The following SGCD variants were observed in gnomAD, a reference collection of about 807,000 sequenced individuals.
SGCD encodes the protein delta-sarcoglycan.
In SGCD, 18 loss-of-function variants were observed where a neutral mutation model predicts 36.6. The observed-to-expected ratio is 0.49, with a 90% CI of 0.34 to 0.73. SGCD has a LOEUF of 0.73. Ranked by LOEUF, SGCD falls within the 30% of genes least tolerant of loss-of-function variation. SGCD has a pLI of 0.01. For missense variants in SGCD, 387 were observed against 346.7 expected, an observed-to-expected ratio of 1.12 and a Z score of -0.92; for synonymous variants, 133 against 130.6, an observed-to-expected ratio of 1.02 and a Z score of -0.12.
At chr5:156,444,062 CCTTCTCTCTCT>C (rs1454272979) in intron 3 of SGCD, among the ~76,000 whole-genome samples, 1 of 124,696 alleles carries the variant, frequency 8.0e-6, no homozygotes. Context: ...CTCTTTCTCT[CCTTCTCTCTCT>C]CTCTCTCTCT....
chr5:155,960,392 G>A (rs753463545), intron 1 of SGCD, among the ~76,000 whole-genome samples: 26 of 152,106 alleles, frequency 1.7e-4, no homozygotes, highest in Non-Finnish European at 3.4e-4. Context: ...CCTTTCCCTA[G>A]CCCAGCGCCA....
At chr5:156,084,045 A>AG (rs2127592313) in intron 1 of SGCD, among the ~76,000 whole-genome samples, 1 of 151,908 alleles carries the variant, frequency 6.6e-6, no homozygotes, top group South Asian at 2.1e-4. Flanking sequence ...TTCCTCCTCC[A>AG]TTTTTCTTTG....
At chr5:156,529,423 CAA>C (rs397884521) in intron 4 of SGCD, among the ~76,000 whole-genome samples, 12 of 59,134 alleles carry the variant, frequency 2.0e-4, no homozygotes, top group African/African-American at 4.4e-4. Flanking sequence ...GACTCTGTCT[CAA>C]AAAAAAAAAA....
Position 156,565,653 on chromosome 5 carries a change from C to T in SGCD, c.295-23578C>T, listed in dbSNP as rs148371351. Among the ~76,000 whole-genome samples the T allele has an allele frequency of 0.014, 2,105 of 152,124 alleles. 97 individuals carry two copies. The East Asian group carries it at 0.17, about 12-fold the overall frequency. On this transcript the variant is annotated intron_variant, in intron 4 of 8. Coordinates refer to ENST00000337851, the MANE Select transcript of SGCD (RefSeq NM_000337.6). ...TGGTGGTTTGCTGCACCCATCAGCC[C>T]GTCATCTACATTAGGTATTTCTCCT... is the stretch of plus-strand genomic sequence containing the variant.
rs992762481 is a variant in SGCD at position 156,710,910 on chromosome 5, T to C, written c.576-46671T>C. Among the ~76,000 whole-genome samples, 3 of 152,232 alleles carry C rather than the reference T, an allele frequency of 2.0e-5. No homozygotes were observed. The South Asian group carries it at 6.2e-4, about 31-fold the overall frequency. On this transcript the variant is annotated intron_variant, in intron 7 of 8. Transcript: ENST00000337851. ...CTCTACAGAATGTAAATTTACTCCATAAGAGATAGCCTTGTCAAAGAGATA... is the reference window on the plus strand; with the variant it reads ...CTCTACAGAATGTAAATTTACTCCACAAGAGATAGCCTTGTCAAAGAGATA...
chr5:156,536,325 G>A (rs1439482994), intron 4 of SGCD, among the ~76,000 whole-genome samples: 2 of 152,166 alleles, frequency 1.3e-5, no homozygotes, highest in African/African-American at 4.8e-5. Context: ...AAAGCCAGGT[G>A]TGAACTACCC....
chr5:156,312,978 C>A (rs1195390939), intron 3 of SGCD, among the ~76,000 whole-genome samples: 1 of 152,050 alleles, frequency 6.6e-6, no homozygotes, highest in Non-Finnish European at 1.5e-5. Flanking sequence ...GACAGTACTT[C>A]TCTTTCAATC....
intron 6 of SGCD, among the ~76,000 whole-genome samples, chr5:156,595,781 T>C (rs759978325): frequency 6.6e-6 from 1 of 152,250 alleles, no homozygotes; most frequent in Non-Finnish European, 1.5e-5. Context: ...TTTAGGTTCA[T>C]AGTTCCAACT....
intron 3 of SGCD, among the ~76,000 whole-genome samples, chr5:156,316,573 C>T (rs2127694002): frequency 6.6e-6 from 1 of 152,082 alleles, no homozygotes; most frequent in Non-Finnish European, 1.5e-5. Context: ...ATATTGTAAT[C>T]AAAACAGTAT....
intron 3 of SGCD, among the ~76,000 whole-genome samples, chr5:156,386,993 A>G (rs905789): frequency 0.73 from 111,194 of 152,120 alleles, 40,933 homozygotes; most frequent in Middle Eastern, 0.88. Flanking sequence ...CTATTTATGA[A>G]CAGTCAGGAA....
chr5:156,193,242 A>G (rs988387783), intron 3 of SGCD, among the ~76,000 whole-genome samples: 1 of 152,100 alleles, frequency 6.6e-6, no homozygotes, highest in African/African-American at 2.4e-5. Flanking sequence ...GACTTTCTCA[A>G]GTCACTGTTG....
intron 3 of SGCD, among the ~76,000 whole-genome samples, chr5:156,496,094 C>T (rs765572471): frequency 6.6e-6 from 1 of 152,128 alleles, no homozygotes; most frequent in Non-Finnish European, 1.5e-5. Flanking sequence ...CTGACAAAAA[C>T]CTACATGAGT....
At chr5:156,746,488 T>C (rs1561893563) in intron 7 of SGCD, among the ~76,000 whole-genome samples, 1 of 152,204 alleles carries the variant, frequency 6.6e-6, no homozygotes, top group African/African-American at 2.4e-5. Context: ...CTTGCAGGAT[T>C]AAAGAATACA....
At chr5:156,196,811 T>A (rs1764034384) in intron 3 of SGCD, among the ~76,000 whole-genome samples, 1 of 152,224 alleles carries the variant, frequency 6.6e-6, no homozygotes, top group African/African-American at 2.4e-5. Flanking sequence ...TTTAGTTCTT[T>A]GGAAATAAAA....
Position 156,764,148 on chromosome 5 carries a change from TA to T in SGCD, c.*4760del, listed in dbSNP as rs1757545065. The T allele has an allele frequency of 6.6e-6, 1 of 152,422 alleles. No homozygotes were observed. The highest frequency in any genetic ancestry group is 2.4e-5 in the African/African-American group (1 of 41,426). The allele number at this position is 152,422 out of a possible 1,614,324, so 9.4% of individuals were successfully genotyped here. A position where few individuals can be genotyped will look rare whatever the true frequency, so the allele number is the denominator to read the frequency against. ...CTAGTAGCAGGTTGGGAAAAAGTTA[TA>T]ATATAAGAAACAACCTTCGAAAACA... On this transcript the variant is annotated 3_prime_UTR_variant, in exon 9 of 9. Coordinates refer to ENST00000337851, the MANE Select transcript of SGCD (RefSeq NM_000337.6).
At chr5:156,067,967 C>G (rs1344541262) in intron 1 of SGCD, among the ~76,000 whole-genome samples, 1 of 129,156 alleles carries the variant, frequency 7.7e-6, no homozygotes. Context: ...CTCCTCCCCC[C>G]CACTTTTTTT....
chr5:156,252,145 T>C (rs1030105776), intron 3 of SGCD, among the ~76,000 whole-genome samples: 1 of 151,662 alleles, frequency 6.6e-6, no homozygotes, highest in Non-Finnish European at 1.5e-5. Context: ...CTGGCTCACA[T>C]CCACCTCCGC....
At chr5:155,778,185 G>T in the SGCD span, among the ~76,000 whole-genome samples, 1 of 152,154 alleles carries the variant, frequency 6.6e-6, no homozygotes, top group Non-Finnish European at 1.5e-5. Flanking sequence ...CTAGGATAAT[G>T]CACATGGTAA....
rs539613919 is a variant in SGCD, at chr5:156,159,873, A to T, written c.-44+35854A>T. ...ATGGCTACATGAGAATACCTTCTTT[A>T]ACAAATCTTGTATTGTTAAATATGT... On this transcript the variant is annotated intron_variant, in intron 3 of 9. Coordinates refer to the SGCD transcript ENST00000517913. Among the ~76,000 whole-genome samples the T allele has an allele frequency of 1.6e-4, 25 of 151,742 alleles. 1 individual carries two copies. Among genetic ancestry groups the T allele is most frequent in the African/African-American group, 5.6e-4 (23 of 41,110 alleles).
Sources: gnomAD v4.1 joint callset for allele counts (sites outside exome capture counted in the v4.1 genomes callset) on GRCh38, gnomAD v4.1.1 for gene constraint, MANE v1.5 for transcripts, NCBI Gene and HGNC (gene_info 2026-07-23, HGNC 2026-07-21) for gene names.